PTPRE: variants seen among roughly 807,000 people sequenced by gnomAD.
PTPRE encodes receptor-type tyrosine-protein phosphatase epsilon.
PTPRE carries 51 observed loss-of-function variants against 102.0 expected under a neutral mutation model. The observed-to-expected ratio is 0.50, with a 90% CI of 0.40 to 0.63. The LOEUF is 0.63. Ranked by LOEUF, PTPRE falls within the 30% of genes least tolerant of loss-of-function variation. PTPRE has a pLI of 0.00. For missense variants in PTPRE, 752 were observed against 915.1 expected, an observed-to-expected ratio of 0.82 and a Z score of 2.30; for synonymous variants, 345 against 348.2, an observed-to-expected ratio of 0.99 and a Z score of 0.10.
At chr10:127,929,829 G>A (rs1847286293) in intron 1 of PTPRE, 1 of 152,198 alleles carries the variant, frequency 6.6e-6, no homozygotes, top group Non-Finnish European at 1.5e-5. Context: ...GGCTGAGGCA[G>A]GCAGATCACT....
intron 1 of PTPRE, among the ~76,000 whole-genome samples, chr10:127,975,124 A>C (rs1851049083): frequency 6.6e-6 from 1 of 152,108 alleles, no homozygotes; most frequent in South Asian, 2.1e-4. Context: ...GGTTTGGGTG[A>C]GACTGAGGCT....
chr10:127,926,188 T>C (rs1846997668), intron 1 of PTPRE, among the ~76,000 whole-genome samples: 1 of 152,220 alleles, frequency 6.6e-6, no homozygotes. Flanking sequence ...AAATGTTACT[T>C]TATAGAAAGC....
chr10:127,963,280 C>G (rs1849973694), intron 1 of PTPRE, among the ~76,000 whole-genome samples: 1 of 152,162 alleles, frequency 6.6e-6, no homozygotes, highest in South Asian at 2.1e-4. Context: ...CCCCCAGCAC[C>G]CCTGCATCTC....
rs76964967 is a variant in PTPRE, at chr10:128,022,327, G to T, written c.-7-18548G>T. Reference sequence around the variant, plus strand: ...GAGGAAACAAGGCAGGGCCAGGGCTGCCCCCAGGCCTTGTGAAAGTGGGAG... The same window carrying T: ...GAGGAAACAAGGCAGGGCCAGGGCTTCCCCCAGGCCTTGTGAAAGTGGGAG... On this transcript the variant is annotated intron_variant, in intron 2 of 20. Transcript: ENST00000254667. Among the ~76,000 whole-genome samples, 3 of 152,196 alleles carry T rather than the reference G, an allele frequency of 2.0e-5. 1 individual carries two copies. Among genetic ancestry groups the T allele is most frequent in the Admixed American group, 2.0e-4 (3 of 15,280 alleles).
At position 127,960,120 on chromosome 10, in the gene PTPRE, T is replaced by G. The variant is rs115099704; in HGVS notation, c.-30-22154T>G. ...GCAGGTCAGAAAGGAGACCAATCCC[T>G]CCAGCTTGGGCATGCTTGCTGGCAT... On this transcript the variant is annotated intron_variant, in intron 1 of 20. Transcript: ENST00000254667. Among the ~76,000 whole-genome samples the G allele has an allele frequency of 8.4e-3, 1,273 of 152,228 alleles. 12 individuals carry two copies. Among genetic ancestry groups the G allele is most frequent in the African/African-American group, 0.028 (1,179 of 41,542 alleles).
chr10:127,925,180 T>G (rs1589746157), intron 1 of PTPRE, among the ~76,000 whole-genome samples: 2 of 152,172 alleles, frequency 1.3e-5, no homozygotes, highest in African/African-American at 4.8e-5. Flanking sequence ...GATGGACCTA[T>G]CCACAGGACT....
At chr10:127,939,789 G>A (rs1178752150) in intron 1 of PTPRE, among the ~76,000 whole-genome samples, 1 of 151,984 alleles carries the variant, frequency 6.6e-6, no homozygotes, top group Non-Finnish European at 1.5e-5. Context: ...GGTGCAGGCA[G>A]ATGTGGGCAG....
At position 128,062,053 on chromosome 10, in the gene PTPRE, C is replaced by T. The variant is rs948904091; in HGVS notation, c.625+338C>T. Reference sequence around the variant, plus strand: ...GGCGAGGGGTTAGTGGGGTGAATAGCTTTTCAGATCAAGGCCATAACTAAG... The same window carrying T: ...GGCGAGGGGTTAGTGGGGTGAATAGTTTTTCAGATCAAGGCCATAACTAAG... On this transcript the variant is annotated intron_variant, in intron 9 of 20. Transcript: ENST00000254667. Among the ~76,000 whole-genome samples, 53 of 152,190 alleles carry T rather than the reference C, an allele frequency of 3.5e-4. 1 individual carries two copies. The highest frequency in any genetic ancestry group is 4.8e-5 in the African/African-American group (2 of 41,432).
At position 128,064,015 on chromosome 10, in the gene PTPRE, G is replaced by C. The variant is rs139493695; in HGVS notation, c.723+835G>C. On this transcript the variant is annotated intron_variant, in intron 10 of 20. Coordinates refer to ENST00000254667, the MANE Select transcript of PTPRE (RefSeq NM_006504.6). Reference sequence around the variant, plus strand: ...CGGTTCAGTGGGAGCCGTGTGTCCTGCCCGGCCCTGCTCAGGGCCTGCTGT... The same window carrying C: ...CGGTTCAGTGGGAGCCGTGTGTCCTCCCCGGCCCTGCTCAGGGCCTGCTGT... Among the ~76,000 whole-genome samples the C allele has an allele frequency of 5.1e-3, 774 of 152,306 alleles. 8 individuals carry two copies. Among genetic ancestry groups the C allele is most frequent in the Middle Eastern group, 0.027 (8 of 294 alleles).
At chr10:128,025,769 G>T (rs2135714904) in intron 2 of PTPRE, among the ~76,000 whole-genome samples, 1 of 152,228 alleles carries the variant, frequency 6.6e-6, no homozygotes, top group Admixed American at 6.5e-5. Context: ...CCTGCTCCAG[G>T]GGACCCAGGG....
At chr10:127,968,014 G>GTA (rs1172174270) in intron 1 of PTPRE, among the ~76,000 whole-genome samples, 1 of 140,104 alleles carries the variant, frequency 7.1e-6, no homozygotes, top group Non-Finnish European at 1.6e-5. Flanking sequence ...CTATAGGTGT[G>GTA]TGTGTGTGTG....
At chr10:128,038,331 C>A (rs1369056925) in intron 2 of PTPRE, among the ~76,000 whole-genome samples, 1 of 152,198 alleles carries the variant, frequency 6.6e-6, no homozygotes, top group African/African-American at 2.4e-5. Flanking sequence ...GATTATAAAT[C>A]ATGCTGCTAT....
At chr10:127,969,283 T>C (rs1850503454) in intron 1 of PTPRE, among the ~76,000 whole-genome samples, 1 of 152,158 alleles carries the variant, frequency 6.6e-6, no homozygotes, top group South Asian at 2.1e-4. Flanking sequence ...AATCCTCCAT[T>C]CACTCCATAC....
chr10:128,066,277 T>C (rs911115398), intron 11 of PTPRE, 83 bp downstream of exon 11: 3 of 1,564,364 alleles, frequency 1.9e-6, no homozygotes, highest in African/African-American at 1.4e-5. Context: ...TCTGCATTTA[T>C]GAAGTGCTTT....
chr10:127,982,255 TTTC>T lies in PTPRE; in HGVS notation c.-30-13_-30-11del. ...TGTTAACCAGAAAACTGACTTTTTT[TTTC>T]TTCTTTCTTCTTCAGACTATAGCCT... On this transcript the variant is annotated splice_polypyrimidine_tract_variant and intron_variant, in intron 1 of 20. Coordinates refer to ENST00000254667, the MANE Select transcript of PTPRE (RefSeq NM_006504.6). The T allele has an allele frequency of 7.9e-7, 1 of 1,259,160 alleles. No homozygotes were observed. Among genetic ancestry groups the T allele is most frequent in the Non-Finnish European group, 1.0e-6 (1 of 970,158 alleles). 78.0% of individuals were successfully genotyped at this position (1,259,160 alleles called of 1,614,324 possible).
chr10:127,913,319 A>C (rs542771943), intron 1 of PTPRE, among the ~76,000 whole-genome samples: 1 of 152,338 alleles, frequency 6.6e-6, no homozygotes, highest in African/African-American at 2.4e-5. Context: ...CTATTCAATA[A>C]ATGCACAAAC....
intron 2 of PTPRE, among the ~76,000 whole-genome samples, chr10:128,000,551 G>T (rs1270174641): frequency 6.6e-6 from 1 of 152,216 alleles, no homozygotes; most frequent in South Asian, 2.1e-4. Flanking sequence ...CTCAGAGACT[G>T]TATATTTGAT....
rs1849842122 is a variant in PTPRE at position 127,961,856 on chromosome 10, G to C, written c.-30-20418G>C. On this transcript the variant is annotated intron_variant, in intron 1 of 20. Transcript: ENST00000254667. ...CTGCCGCCAGGACTAGCCGGGCCGGGTACCCCTGGGGTACTCCCCAGGTGC... is the reference window on the plus strand; with the variant it reads ...CTGCCGCCAGGACTAGCCGGGCCGGCTACCCCTGGGGTACTCCCCAGGTGC... Among the ~76,000 whole-genome samples the C allele has an allele frequency of 2.0e-5, 3 of 152,116 alleles. No homozygotes were observed. In the South Asian group the frequency reaches 6.2e-4, roughly 32 times the overall value.
At chr10:127,942,990 G>A (rs549553020) in intron 1 of PTPRE, among the ~76,000 whole-genome samples, 4 of 152,238 alleles carry the variant, frequency 2.6e-5, no homozygotes, top group East Asian at 1.9e-4. Context: ...TTTTAATCAC[G>A]TGGGCCAGGA....
Sources: allele counts gnomAD v4.1 joint callset (sites outside exome capture counted in the v4.1 genomes callset), GRCh38; gene constraint gnomAD v4.1.1; transcripts MANE v1.5; gene names NCBI Gene and HGNC (gene_info 2026-07-23, HGNC 2026-07-21).